LPP: variants seen among roughly 807,000 people sequenced by gnomAD.
LPP encodes the protein lipoma-preferred partner.
In LPP, 38 loss-of-function variants were observed where a neutral mutation model predicts 60.4. The ratio of observed to expected loss-of-function variants is 0.63; its 90% CI spans 0.49 to 0.83. The LOEUF (loss-of-function observed/expected upper bound fraction) is 0.83, where lower values mean the gene tolerates loss of function less well. LPP is among the 40% of genes least tolerant of loss of function. LPP has a pLI of 0.00. For missense variants in LPP, 902 were observed against 783.6 expected, an observed-to-expected ratio of 1.15 and a Z score of -1.80; for synonymous variants, 328 against 290.8, an observed-to-expected ratio of 1.13 and a Z score of -1.30.
intron 9 of LPP, among the ~76,000 whole-genome samples, chr3:188,825,208 C>T (rs1338320576): frequency 1.4e-5 from 2 of 147,688 alleles, no homozygotes; most frequent in South Asian, 2.1e-4. Context: ...ATCTGTGCTG[C>T]CTTTGTCTTT....
At chr3:188,456,567 G>A (rs992066717) in intron 4 of LPP, among the ~76,000 whole-genome samples, 21 of 152,368 alleles carry the variant, frequency 1.4e-4, no homozygotes, top group Admixed American at 3.3e-4. Flanking sequence ...TTTGGGGTAG[G>A]GGAGTCAGGT....
intron 9 of LPP, among the ~76,000 whole-genome samples, chr3:188,814,517 G>A (rs879494275): frequency 1.7e-4 from 26 of 152,016 alleles, no homozygotes; most frequent in African/African-American, 3.9e-4. Context: ...CTGAAATTCC[G>A]CCCAACTGCC....
chr3:188,258,885 T>A (rs1732606543), intron 2 of LPP, among the ~76,000 whole-genome samples: 1 of 152,162 alleles, frequency 6.6e-6, no homozygotes, highest in South Asian at 2.1e-4. Flanking sequence ...TTTTTTGAGA[T>A]GTCTTAGGCT....
intron 7 of LPP, among the ~76,000 whole-genome samples, chr3:188,678,436 G>A (rs1044843130): frequency 1.3e-5 from 2 of 152,116 alleles, no homozygotes; most frequent in Admixed American, 6.6e-5. Flanking sequence ...AACCTAGCCA[G>A]GCAAATATTG....
chr3:188,589,152 A>G (rs1838135776), intron 6 of LPP, among the ~76,000 whole-genome samples: 1 of 151,908 alleles, frequency 6.6e-6, no homozygotes, highest in African/African-American at 2.4e-5. Context: ...GTACATATAT[A>G]TGTACACATA....
At chr3:188,568,556 T>G (rs2150800009) in intron 6 of LPP, 1 of 152,044 alleles carries the variant, frequency 6.6e-6, no homozygotes, top group East Asian at 1.9e-4. Flanking sequence ...TTTGGTGCTA[T>G]AGACCAGTAC....
rs1441741175 is a variant in LPP, at chr3:188,883,276, G to A, written c.*8797G>A. ...AAATTAGTCTGAAGGATGTTCTGAGGGCCAGACATTAGAATTTGTGAGTTT... is the reference window on the plus strand; with the variant it reads ...AAATTAGTCTGAAGGATGTTCTGAGAGCCAGACATTAGAATTTGTGAGTTT... On this transcript the variant is annotated 3_prime_UTR_variant, in exon 12 of 12. Coordinates refer to ENST00000617246, the MANE Select transcript of LPP (RefSeq NM_001375462.1). 1.4e-5 allele frequency: 3 copies of A among 213,440 alleles called. No homozygotes were observed. Among genetic ancestry groups the A allele is most frequent in the Non-Finnish European group, 2.8e-5 (3 of 105,620 alleles). 13.2% of individuals were successfully genotyped at this position (213,440 alleles called of 1,614,324 possible). A position where few individuals can be genotyped will look rare whatever the true frequency, so the allele number is the denominator to read the frequency against.
chr3:188,730,263 T>C (rs1449611153), intron 8 of LPP, among the ~76,000 whole-genome samples: 1 of 152,224 alleles, frequency 6.6e-6, no homozygotes, highest in Non-Finnish European at 1.5e-5. Context: ...AATCATCTCC[T>C]AATTCTGACT....
intron 3 of LPP, among the ~76,000 whole-genome samples, chr3:188,391,192 G>A (rs1779615099): frequency 6.6e-6 from 1 of 152,190 alleles, no homozygotes; most frequent in East Asian, 1.9e-4. Flanking sequence ...CAGGGCTGGT[G>A]AGTGATAGAG....
chr3:188,484,810 TAA>T, intron 5 of LPP, 106 bp downstream of exon 5: 1 of 837,902 alleles, frequency 1.2e-6, no homozygotes, highest in Non-Finnish European at 2.0e-6. Flanking sequence ...CTGTGCTGGA[TAA>T]ACATTTATCC....
At chr3:188,667,423 A>G (rs887947747) in intron 7 of LPP, among the ~76,000 whole-genome samples, 2 of 151,200 alleles carry the variant, frequency 1.3e-5, no homozygotes, top group Non-Finnish European at 2.9e-5. Flanking sequence ...GCTTGCAGTG[A>G]GCCGAGATCA....
At chr3:188,342,139 C>G (rs1462668817) in intron 3 of LPP, among the ~76,000 whole-genome samples, 1 of 152,196 alleles carries the variant, frequency 6.6e-6, no homozygotes, top group Non-Finnish European at 1.5e-5. Flanking sequence ...GCCAGTGTTA[C>G]CTGGCTCTGA....
chr3:188,887,063 A>C lies in LPP; in HGVS notation c.*12584A>C. On this transcript the variant is annotated 3_prime_UTR_variant, in exon 12 of 12. Coordinates refer to ENST00000617246, the MANE Select transcript of LPP (RefSeq NM_001375462.1). ...GTCATTATTGATGTATTGTGTTGCCACTTTGTATGGTGCCTGCTGTGCTTT... is the reference window on the plus strand; with the variant it reads ...GTCATTATTGATGTATTGTGTTGCCCCTTTGTATGGTGCCTGCTGTGCTTT... 1 of 230,644 alleles carries C rather than the reference A, an allele frequency of 4.3e-6. No homozygotes were observed. 14.3% of individuals were successfully genotyped at this position (230,644 alleles called of 1,614,324 possible). A position where few individuals can be genotyped will look rare whatever the true frequency, so the allele number is the denominator to read the frequency against.
At chr3:188,697,706 A>G (rs1389529898) in intron 7 of LPP, among the ~76,000 whole-genome samples, 1 of 152,204 alleles carries the variant, frequency 6.6e-6, no homozygotes, top group Non-Finnish European at 1.5e-5. Flanking sequence ...AATTATAAAG[A>G]GAAAAACTCA....
chr3:188,240,110 T>A (rs189275568), intron 2 of LPP: 1 of 193,742 alleles, frequency 5.2e-6, no homozygotes, highest in African/African-American at 2.3e-5. Flanking sequence ...GATACATCTG[T>A]GACCTGGGAT....
intron 9 of LPP, among the ~76,000 whole-genome samples, chr3:188,812,792 TC>T (rs1751401303): frequency 6.6e-6 from 1 of 152,040 alleles, no homozygotes; most frequent in South Asian, 2.1e-4. Context: ...TCTCTCTCTC[TC>T]TCGCTGCAGC....
chr3:188,175,270 G>A (rs1230513073), intron 1 of LPP, among the ~76,000 whole-genome samples: 1 of 151,976 alleles, frequency 6.6e-6, no homozygotes, highest in Non-Finnish European at 1.5e-5. Flanking sequence ...TGTATTTTTA[G>A]TAGAGATGAC....
intron 2 of LPP, among the ~76,000 whole-genome samples, chr3:188,309,398 T>C (rs1752674503): frequency 6.6e-6 from 1 of 152,220 alleles, no homozygotes; most frequent in African/African-American, 2.4e-5. Context: ...TGGAGTTAGA[T>C]TGAGCGCACC....
intron 9 of LPP, among the ~76,000 whole-genome samples, chr3:188,804,792 A>G (rs1748573909): frequency 6.6e-6 from 1 of 152,056 alleles, no homozygotes; most frequent in African/African-American, 2.4e-5. Flanking sequence ...AAGAGAAAAC[A>G]TTGAGTCTTT....
Sources: gnomAD v4.1 joint callset for allele counts (sites outside exome capture counted in the v4.1 genomes callset) on GRCh38, gnomAD v4.1.1 for gene constraint, MANE v1.5 for transcripts, NCBI Gene and HGNC (gene_info 2026-07-23, HGNC 2026-07-21) for gene names.